TSFM: variants seen among roughly 807,000 people sequenced by gnomAD.
TSFM encodes the protein elongation factor Ts, mitochondrial.
A neutral mutation model predicts 33.4 loss-of-function variants in TSFM; 29 were observed. The ratio of observed to expected loss-of-function variants is 0.87; its 90% CI spans 0.65 to 1.18. TSFM has a LOEUF of 1.18. Among genes scored for constraint, TSFM ranks in the 50% most tolerant of loss-of-function variants. TSFM has a pLI of 0.00. For synonymous variants in TSFM, 178 were observed against 163.5 expected (o/e 1.09, Z -0.68); for missense variants, 394 against 395.6 (o/e 1.00, Z 0.04).
intron 2 of TSFM, chr12:57,784,107 C>A (rs1352401431): frequency 2.8e-6 from 2 of 702,534 alleles, no homozygotes; most frequent in Non-Finnish European, 5.2e-6. Flanking sequence ...GCCAGCTGCT[C>A]CTAGGCTACA....
chr12:57,793,083 T>C lies in TSFM; in HGVS notation c.571+10T>C, dbSNP rs1353058794. On this transcript the variant is annotated intron_variant, in intron 5 of 5. Transcript: ENST00000652027. ...TTGGCTTTAGCAATTGGTGAGTATTTGTAAAGGTTCTGGAAACTGGAAATT... is the reference window on the plus strand; with the variant it reads ...TTGGCTTTAGCAATTGGTGAGTATTCGTAAAGGTTCTGGAAACTGGAAATT... 6.2e-7 allele frequency: 1 copy of C among 1,610,684 alleles called. No individual in the cohort carries two copies. The highest frequency in any genetic ancestry group is 1.7e-5 in the Admixed American group (1 of 59,656).
downstream of TSFM, chr12:57,802,280 CT>C: frequency 6.2e-7 from 1 of 1,614,138 alleles, no homozygotes; most frequent in Non-Finnish European, 8.5e-7. Context: ...TGTGCAGGTA[CT>C]GCTGTGCTGT....
In TSFM at chr12:57,797,553, T is replaced by G. The variant is rs1955760968; in HGVS notation, c.*970T>G. 13 of 917,484 alleles carry G rather than the reference T, an allele frequency of 1.4e-5. No individual in the cohort carries two copies. The highest frequency in any genetic ancestry group is 1.7e-5 in the Non-Finnish European group (13 of 767,006). 56.8% of individuals were successfully genotyped at this position (917,484 alleles called of 1,614,324 possible). On this transcript the variant is annotated 3_prime_UTR_variant, in exon 6 of 6. Transcript: ENST00000652027. The stretch of plus-strand genomic sequence containing the variant: ...ACAAAGGTAGGTCCTGGTATAATAT[T>G]AAACATAAAGTTATTAAACATTTTA...
At position 57,796,856 on chromosome 12, in the gene TSFM, T is replaced by C; in HGVS notation, c.*273T>C. On this transcript the variant is annotated 3_prime_UTR_variant, in exon 6 of 6. Transcript: ENST00000652027. Reference sequence around the variant, plus strand: ...TGCTCCCTTCAACATAGATTTATTATGGTATTTCTGAAATTTCTAACTTAT... The same window carrying C: ...TGCTCCCTTCAACATAGATTTATTACGGTATTTCTGAAATTTCTAACTTAT... 1 of 1,089,414 alleles carries C rather than the reference T, an allele frequency of 9.2e-7. No homozygotes were observed. The highest frequency in any genetic ancestry group is 5.1e-5 in the Admixed American group (1 of 19,544). The allele number at this position is 1,089,414 out of a possible 1,614,324, so 67.5% of individuals were successfully genotyped here.
rs116829354 is a variant in TSFM at position 57,785,945 on chromosome 12, G to A, written c.232-218G>A. Among the ~76,000 whole-genome samples the A allele has an allele frequency of 3.9e-3, 587 of 152,286 alleles. 4 individuals are homozygous for A. The highest frequency in any genetic ancestry group is 0.013 in the African/African-American group (544 of 41,544). On this transcript the variant is annotated intron_variant, in intron 2 of 5. Transcript: ENST00000652027. The stretch of plus-strand genomic sequence containing the variant: ...CTGTATAAAGAAAATACAACTGTGT[G>A]CCCCATAGGGTTGTTGTGAAGATTA...
chr12:57,786,139 G>A (rs1300697139), intron 2 of TSFM, 24 bp from the exon 3 acceptor site: 2 of 1,587,334 alleles, frequency 1.3e-6, no homozygotes, highest in Non-Finnish European at 1.7e-6. Flanking sequence ...TTTGTTGTCT[G>A]CTCTTTTTCC....
chr12:57,785,358 G>A (rs12306667), intron 2 of TSFM, among the ~76,000 whole-genome samples: 2,019 of 152,302 alleles, frequency 0.013, 180 homozygotes, highest in Admixed American at 0.12. Flanking sequence ...CTGCTGGAAG[G>A]TCTTCAGGGG....
Position 57,783,938 on chromosome 12 carries a change from C to T in TSFM, c.231+655C>T, listed in dbSNP as rs768412159. ...GCTGACTTTAGACATCTTAATCTTT[C>T]AGAGTTGTGTAGTTTTTGCCTGTAC... On this transcript the variant is annotated intron_variant, in intron 2 of 5. Coordinates refer to ENST00000652027, the MANE Select transcript of TSFM (RefSeq NM_005726.6). The T allele has an allele frequency of 6.0e-5, 42 of 702,620 alleles. No individual in the cohort carries two copies. In the South Asian group the frequency reaches 6.1e-4, roughly 10 times the overall value. The allele number at this position is 702,620 out of a possible 1,614,324, so 43.5% of individuals were successfully genotyped here.
intron 4 of TSFM, among the ~76,000 whole-genome samples, chr12:57,789,870 C>A (rs1955639718): frequency 6.6e-6 from 1 of 152,038 alleles, no homozygotes; most frequent in Non-Finnish European, 1.5e-5. Flanking sequence ...TTGATATGCC[C>A]TTATTATTTT....
At chr12:57,783,639 G>C in intron 2 of TSFM, 1 of 570,470 alleles carries the variant, frequency 1.8e-6, no homozygotes, top group Non-Finnish European at 3.3e-6. Flanking sequence ...TGTGGCCCAG[G>C]CCGGCGTGCA....
At chr12:57,783,593 A>C in intron 2 of TSFM, 1 of 576,126 alleles carries the variant, frequency 1.7e-6, no homozygotes, top group Non-Finnish European at 3.3e-6. Flanking sequence ...GTCTGACTTT[A>C]GACTTTTTTT....
rs747664076 is a variant in TSFM at position 57,783,277 on chromosome 12, C to G, written c.225C>G (p.Leu75=). 6.2e-7 allele frequency: 1 copy of G among 1,613,682 alleles called. No homozygotes were observed. The highest frequency in any genetic ancestry group is 1.1e-5 in the South Asian group (1 of 91,084). ...KKALETCGGD[L]KQAEIWLHKE... Reference sequence around the variant, plus strand: ...CTCTGGAGACTTGTGGCGGGGACCTCAAACAGGTGTGTGTGTGGAGGGGTG... The same window carrying G: ...CTCTGGAGACTTGTGGCGGGGACCTGAAACAGGTGTGTGTGTGGAGGGGTG... Residue 75 remains leucine, a synonymous_variant, in exon 2 of 6, where the codon CTC becomes CTG. Coordinates refer to ENST00000652027, the MANE Select transcript of TSFM (RefSeq NM_005726.6).
chr12:57,797,062 T>A lies in TSFM; in HGVS notation c.*479T>A. The A allele has an allele frequency of 1.0e-6, 1 of 985,566 alleles. No individual in the cohort carries two copies. The highest frequency in any genetic ancestry group is 1.2e-6 in the Non-Finnish European group (1 of 830,026). 61.1% of individuals were successfully genotyped at this position (985,566 alleles called of 1,614,324 possible). On this transcript the variant is annotated 3_prime_UTR_variant, in exon 6 of 6. Transcript: ENST00000652027. ...TGGAAAATGTGGGTTCTCTTCTTTG[T>A]GATTGTCTGTAGTATGCTTTGAAGG...
chr12:57,789,840 C>T (rs1302435909), intron 4 of TSFM, among the ~76,000 whole-genome samples: 1 of 152,172 alleles, frequency 6.6e-6, no homozygotes, highest in Non-Finnish European at 1.5e-5. Context: ...TTGATCAATG[C>T]AAGCTGACTG....
At chr12:57,795,603 A>C (rs1408105715) in intron 5 of TSFM, among the ~76,000 whole-genome samples, 1 of 151,822 alleles carries the variant, frequency 6.6e-6, no homozygotes, top group Non-Finnish European at 1.5e-5. Flanking sequence ...AACCTATACA[A>C]CCTATGTTTG....
downstream of TSFM, chr12:57,797,830 G>T: frequency 1.5e-6 from 2 of 1,332,490 alleles, no homozygotes; most frequent in Non-Finnish European, 2.0e-6. Context: ...TCCTGATATT[G>T]GCACTATCTG....
rs189657140 is a variant in TSFM, at chr12:57,795,039, G to A, written c.572-1138G>A. 3.5e-3 allele frequency among the ~76,000 whole-genome samples: 528 copies of A among 150,020 alleles called. 11 individuals carry two copies. In the East Asian group the frequency reaches 0.051, roughly 14 times the overall value. On this transcript the variant is annotated intron_variant, in intron 5 of 5. Transcript: ENST00000652027. ...CTCCCAAAGTGCTGGGATTACAGGC[G>A]TGAGCCACCGCACCCAGCCCTAGTT...
At chr12:57,793,360 C>T (rs1328367572) in intron 5 of TSFM, among the ~76,000 whole-genome samples, 1 of 152,068 alleles carries the variant, frequency 6.6e-6, no homozygotes, top group Non-Finnish European at 1.5e-5. Flanking sequence ...GTAGCTGGGA[C>T]TACAGGCGCC....
At chr12:57,784,803 C>T (rs990070250) in intron 2 of TSFM, among the ~76,000 whole-genome samples, 1 of 151,648 alleles carries the variant, frequency 6.6e-6, no homozygotes, top group East Asian at 1.9e-4. Flanking sequence ...TCTCTTGAAC[C>T]CAAAAGGCGG....
Sources: gnomAD v4.1 joint callset for allele counts (sites outside exome capture counted in the v4.1 genomes callset) on GRCh38, gnomAD v4.1.1 for gene constraint, MANE v1.5 for transcripts, NCBI Gene and HGNC (gene_info 2026-07-23, HGNC 2026-07-21) for gene names.